Variants in SOX5 observed in about 807,000 individuals in gnomAD.
SOX5 encodes SRY-box transcription factor 5.
In SOX5, 9 loss-of-function variants were observed where a neutral mutation model predicts 92.0. The observed-to-expected ratio is 0.10, with a 90% CI of 0.06 to 0.17. SOX5 has a LOEUF of 0.17. Among genes scored for constraint, SOX5 ranks in the 10% least tolerant of loss-of-function variants. SOX5 has a pLI of 1.00. For synonymous variants in SOX5, 344 were observed against 336.3 expected, an observed-to-expected ratio of 1.02 and a Z score of -0.25; for missense variants, 642 against 944.5, an observed-to-expected ratio of 0.68 and a Z score of 4.20.
At chr12:23,842,371 T>C (rs80010322) in intron 3 of SOX5, among the ~76,000 whole-genome samples, 2,723 of 152,230 alleles carry the variant, frequency 0.018, 89 homozygotes, top group African/African-American at 0.063. Context: ...GAGACATTAG[T>C]AAGAACTCAT....
At chr12:23,734,571 A>G in intron 6 of SOX5, 113 bp downstream of exon 6, 1 of 773,724 alleles carries the variant, frequency 1.3e-6, no homozygotes, top group Non-Finnish European at 2.1e-6. Flanking sequence ...TATGTCATGA[A>G]TTAGCTTGAA....
intron 1 of SOX5, among the ~76,000 whole-genome samples, chr12:24,556,671 A>G (rs1953814822): frequency 6.6e-6 from 1 of 152,262 alleles, no homozygotes; most frequent in African/African-American, 2.4e-5. Flanking sequence ...CTACAGAATT[A>G]GGTCCTAAAG....
chr12:23,549,210 A>AGT (rs781204465), intron 11 of SOX5, among the ~76,000 whole-genome samples: 1 of 152,064 alleles, frequency 6.6e-6, no homozygotes, highest in Non-Finnish European at 1.5e-5. Context: ...AAACAAGGAC[A>AGT]GTAGATTTCA....
At chr12:24,353,434 T>C (rs1954366854) in intron 2 of SOX5, among the ~76,000 whole-genome samples, 3 of 152,084 alleles carry the variant, frequency 2.0e-5, no homozygotes, top group Admixed American at 1.3e-4. Context: ...GCTCTCACAC[T>C]CCTCTTCAAC....
intron 10 of SOX5, among the ~76,000 whole-genome samples, chr12:23,571,268 A>T (rs1362662943): frequency 6.6e-6 from 1 of 152,108 alleles, no homozygotes; most frequent in Non-Finnish European, 1.5e-5. Context: ...CAACTCAAGT[A>T]GCCAATTAAT....
chr12:24,284,024 T>C (rs1406045693), intron 2 of SOX5, among the ~76,000 whole-genome samples: 2 of 152,360 alleles, frequency 1.3e-5, no homozygotes, highest in South Asian at 2.1e-4. Flanking sequence ...TTGGGTTAAA[T>C]GGACGTTGCA....
chr12:24,270,875 C>A (rs551415754), intron 3 of SOX5, among the ~76,000 whole-genome samples: 1 of 152,324 alleles, frequency 6.6e-6, no homozygotes, highest in African/African-American at 2.4e-5. Flanking sequence ...TTCAATACTT[C>A]ACATGTCATT....
chr12:24,260,666 A>C (rs575107825), intron 3 of SOX5, among the ~76,000 whole-genome samples: 2 of 152,182 alleles, frequency 1.3e-5, no homozygotes, highest in East Asian at 1.9e-4. Flanking sequence ...ATCTATCATA[A>C]TGTTGTGAAG....
intron 4 of SOX5, among the ~76,000 whole-genome samples, chr12:24,141,726 A>C (rs551365107): frequency 6.6e-6 from 1 of 152,212 alleles, no homozygotes; most frequent in South Asian, 2.1e-4. Flanking sequence ...CAAGTACATC[A>C]ATGTGCCTTT....
chr12:24,423,219 A>G (rs1489681552), intron 1 of SOX5, among the ~76,000 whole-genome samples: 5 of 152,206 alleles, frequency 3.3e-5, no homozygotes, highest in African/African-American at 1.2e-4. Context: ...TCCCTTAAGA[A>G]CTGTGGAAGG....
chr12:24,142,089 T>C (rs1447989936), intron 4 of SOX5, among the ~76,000 whole-genome samples: 1 of 152,138 alleles, frequency 6.6e-6, no homozygotes, highest in Non-Finnish European at 1.5e-5. Flanking sequence ...AATTTCTCCT[T>C]TTTCTGCTTT....
At chr12:23,974,680 T>A (rs1030323339) in intron 4 of SOX5, among the ~76,000 whole-genome samples, 2 of 152,150 alleles carry the variant, frequency 1.3e-5, no homozygotes, top group African/African-American at 2.4e-5. Context: ...GAGTGAATCA[T>A]CTTGCAAGAA....
intron 1 of SOX5, among the ~76,000 whole-genome samples, chr12:23,938,133 A>C (rs1267031151): frequency 6.6e-6 from 1 of 151,034 alleles, no homozygotes; most frequent in African/African-American, 2.4e-5. Flanking sequence ...CCAGATGTAT[A>C]ATTAAGGCAA....
At chr12:23,767,790 CT>C (rs2094787211) in intron 3 of SOX5, among the ~76,000 whole-genome samples, 1 of 149,384 alleles carries the variant, frequency 6.7e-6, no homozygotes, top group Non-Finnish European at 1.5e-5. Flanking sequence ...CTGCACTGAT[CT>C]TTTCAGAAAT....
At chr12:24,029,255 C>A (rs912121243) in intron 4 of SOX5, among the ~76,000 whole-genome samples, 1 of 151,918 alleles carries the variant, frequency 6.6e-6, no homozygotes, top group Non-Finnish European at 1.5e-5. Context: ...AGAGCCAAAA[C>A]TTCTCCAACA....
At chr12:23,999,571 A>G (rs1951396311) in intron 4 of SOX5, among the ~76,000 whole-genome samples, 1 of 152,112 alleles carries the variant, frequency 6.6e-6, no homozygotes, top group Non-Finnish European at 1.5e-5. Context: ...CACCTAGAAT[A>G]TATTCAATTT....
intron 4 of SOX5, among the ~76,000 whole-genome samples, chr12:24,127,892 C>T (rs1188137292): frequency 6.6e-6 from 1 of 152,164 alleles, no homozygotes; most frequent in Admixed American, 6.5e-5. Flanking sequence ...TCAGATCAGC[C>T]CACAGTTCCC....
intron 1 of SOX5, among the ~76,000 whole-genome samples, chr12:24,472,605 C>T (rs11047468): frequency 1.3e-5 from 2 of 152,136 alleles, no homozygotes; most frequent in Non-Finnish European, 2.9e-5. Flanking sequence ...TTGAATTGTA[C>T]TTGGGTCCAT....
chr12:24,383,729 G>T (rs1209470682), intron 1 of SOX5, among the ~76,000 whole-genome samples: 2 of 152,158 alleles, frequency 1.3e-5, no homozygotes, highest in African/African-American at 4.8e-5. Context: ...CCAGGGACAG[G>T]TTCTGTAGAA....
Sources: allele counts gnomAD v4.1 joint callset (sites outside exome capture counted in the v4.1 genomes callset), GRCh38; gene constraint gnomAD v4.1.1; transcripts MANE v1.5; gene names NCBI Gene and HGNC (gene_info 2026-07-23, HGNC 2026-07-21).